The following MITF variants were observed in gnomAD, a reference collection of about 807,000 sequenced individuals.
MITF encodes melanocyte inducing transcription factor.
MITF carries 17 observed loss-of-function variants against 60.5 expected under a neutral mutation model. The ratio of observed to expected loss-of-function variants is 0.28; its 90% CI spans 0.19 to 0.42. MITF has a LOEUF of 0.42. Among genes scored for constraint, MITF ranks in the 10% least tolerant of loss-of-function variants. The probability of loss-of-function intolerance (pLI) is 1.00; values close to 1 mark genes in which losing one functional copy is unlikely to be tolerated. For missense variants in MITF, 622 were observed against 683.5 expected (o/e 0.91, Z 1.00); for synonymous variants, 260 against 248.5 (o/e 1.05, Z -0.43).
Position 69,937,945 on chromosome 3 carries a change from T to C in MITF, c.478T>C (p.Cys160Arg). 6.2e-7 allele frequency: 1 copy of C among 1,614,166 alleles called. No homozygotes were observed. The highest frequency in any genetic ancestry group is 8.5e-7 in the Non-Finnish European group (1 of 1,180,004). Residue 160 changes from cysteine (C) to arginine (R), a missense_variant, in exon 3 of 10, where the codon TGT (cysteine) becomes CGT (arginine). This residue lies in a region of MITF where 215 missense variants were observed against 224.8 expected (regional missense o/e 0.96). Coordinates refer to ENST00000352241, the MANE Select transcript of MITF (RefSeq NM_001354604.2). ...TGCCAACCAAGTCCTGAGCTTGCCA[T>C]GTCCAAACCAGCCTGGCGATCATGT... ...KHANQVLSLP[C>R]PNQPGDHVMP...
At chr3:69,766,576 T>C (rs563519946) in intron 1 of MITF, among the ~76,000 whole-genome samples, 7 of 151,940 alleles carry the variant, frequency 4.6e-5, no homozygotes, top group Non-Finnish European at 7.4e-5. Context: ...CTGGACCTTG[T>C]ATTAAAAAAA....
intron 1 of MITF, among the ~76,000 whole-genome samples, chr3:69,826,377 C>T (rs2063354976): frequency 6.6e-6 from 1 of 152,182 alleles, no homozygotes. Context: ...TTCCTCATTG[C>T]TGTAAGTAGT....
At chr3:69,750,866 T>C (rs1031238187) in intron 1 of MITF, among the ~76,000 whole-genome samples, 1 of 152,148 alleles carries the variant, frequency 6.6e-6, no homozygotes, top group Non-Finnish European at 1.5e-5. Flanking sequence ...ATAAATAATA[T>C]ATAAGCTTGG....
chr3:69,769,194 T>C (rs1344786753), intron 1 of MITF, among the ~76,000 whole-genome samples: 1 of 152,170 alleles, frequency 6.6e-6, no homozygotes, highest in African/African-American at 2.4e-5. Context: ...ATTTCTTATC[T>C]GTAAAATAAT....
intron 1 of MITF, among the ~76,000 whole-genome samples, chr3:69,744,909 A>C (rs1703665537): frequency 6.6e-6 from 1 of 152,214 alleles, no homozygotes. Flanking sequence ...ACACATATTT[A>C]TTGAGTCCTA....
In MITF at chr3:69,842,857, G is replaced by A. The variant is rs147580705; in HGVS notation, c.105-36277G>A. Among the ~76,000 whole-genome samples, 287 of 152,302 alleles carry A rather than the reference G, an allele frequency of 1.9e-3. 2 individuals are homozygous for A. Among genetic ancestry groups the A allele is most frequent in the African/African-American group, 6.7e-3 (277 of 41,568 alleles). On this transcript the variant is annotated intron_variant, in intron 1 of 9. Coordinates refer to ENST00000352241, the MANE Select transcript of MITF (RefSeq NM_001354604.2). ...CAGGGGTTCCACAGAGCACTGCTGT[G>A]TGGTGTAAACTTTATTTTGTTTGTT...
At chr3:69,937,065 GT>G (rs2065854578) in intron 2 of MITF, 1 of 260,600 alleles carries the variant, frequency 3.8e-6, no homozygotes, top group Non-Finnish European at 7.2e-6. Flanking sequence ...ATTGAATAAT[GT>G]TGTTTTTTGG....
At chr3:69,951,357 G>A (rs1178241290) in intron 6 of MITF, among the ~76,000 whole-genome samples, 1 of 151,948 alleles carries the variant, frequency 6.6e-6, no homozygotes, top group Non-Finnish European at 1.5e-5. Flanking sequence ...TGGAATTACA[G>A]GTGCAAGCAA....
rs113994954 is a variant in MITF at position 69,901,409 on chromosome 3, A to T, written c.354+22026A>T. Among the ~76,000 whole-genome samples the T allele has an allele frequency of 2.7e-3, 414 of 152,172 alleles. 3 individuals are homozygous for T. The highest frequency in any genetic ancestry group is 9.5e-3 in the African/African-American group (395 of 41,508). On this transcript the variant is annotated intron_variant, in intron 2 of 9. Transcript: ENST00000352241. Reference sequence around the variant, plus strand: ...TTTTGCCAAGATTTAGATAATTTTCATGGGTTTAAGCATAATCCTTTAAAC... The same window carrying T: ...TTTTGCCAAGATTTAGATAATTTTCTTGGGTTTAAGCATAATCCTTTAAAC...
intron 2 of MITF, among the ~76,000 whole-genome samples, chr3:69,910,409 G>A (rs1012992990): frequency 6.6e-6 from 1 of 152,186 alleles, no homozygotes; most frequent in African/African-American, 2.4e-5. Context: ...AGTCCCTAGT[G>A]GGACACTGCC....
At chr3:69,795,641 G>T (rs2062815185) in intron 1 of MITF, among the ~76,000 whole-genome samples, 1 of 152,132 alleles carries the variant, frequency 6.6e-6, no homozygotes, top group Non-Finnish European at 1.5e-5. Flanking sequence ...TGGGAGGATT[G>T]CTTGAGCCTG....
chr3:69,876,924 A>T (rs1305449715), intron 1 of MITF, among the ~76,000 whole-genome samples: 1 of 152,150 alleles, frequency 6.6e-6, no homozygotes, highest in Admixed American at 6.5e-5. Context: ...ACTTCTTTAT[A>T]GTTGAGGGGA....
At chr3:69,874,956 A>C (rs1357623297) in intron 1 of MITF, among the ~76,000 whole-genome samples, 2 of 152,206 alleles carry the variant, frequency 1.3e-5, no homozygotes, top group African/African-American at 4.8e-5. Flanking sequence ...TAAGAATGTA[A>C]ATTCTGCCAT....
At chr3:69,933,914 G>T (rs896545343) in intron 2 of MITF, among the ~76,000 whole-genome samples, 1 of 152,210 alleles carries the variant, frequency 6.6e-6, no homozygotes, top group African/African-American at 2.4e-5. Flanking sequence ...TAGGGTGGCT[G>T]AAGACAGAAA....
In MITF at chr3:69,769,924, C is replaced by T. The variant is rs138587066; in HGVS notation, c.104+30223C>T. On this transcript the variant is annotated intron_variant, in intron 1 of 9. Transcript: ENST00000352241. ...TTGTTCTAGATATTTCATGGGATAG[C>T]GAGACTAAAAAATATTCTTTATTCA... Among the ~76,000 whole-genome samples the T allele has an allele frequency of 2.1e-3, 312 of 152,180 alleles. 1 individual carries two copies. Among genetic ancestry groups the T allele is most frequent in the African/African-American group, 7.3e-3 (302 of 41,538 alleles).
Position 69,960,296 on chromosome 3 carries a change from T to C in MITF, c.1179+876T>C, listed in dbSNP as rs1164793901. ...AGTTATAAATAGTGGAATTATAGCA[T>C]ATATATCTTTAACTTAAACTATACA... On this transcript the variant is annotated intron_variant, in intron 9 of 9. Transcript: ENST00000352241. Among the ~76,000 whole-genome samples, 6 of 152,296 alleles carry C rather than the reference T, an allele frequency of 3.9e-5. No homozygotes were observed. In the East Asian group the frequency reaches 9.7e-4, roughly 25 times the overall value.
At chr3:69,884,556 C>T (rs990063920) in intron 2 of MITF, among the ~76,000 whole-genome samples, 2 of 152,126 alleles carry the variant, frequency 1.3e-5, no homozygotes, top group Admixed American at 6.5e-5. Context: ...CCAGCTTGCA[C>T]GGCACTGAGT....
In MITF at chr3:69,739,622, C is replaced by T; in HGVS notation, c.25C>T (p.Pro9Ser). The change falls in exon 1 of 10, where the codon CCG (proline) becomes TCG (serine). Residue 9 changes from proline to serine, a missense_variant. This residue lies in a region of MITF where 149 missense variants were observed against 157.8 expected (regional missense o/e 0.94). Transcript: ENST00000352241. ...CATGCAGTCCGAATCGGGGATCGTG[C>T]CGGATTTCGAAGTCGGGGAGGAGTT... MQSESGIV[P>S]DFEVGEEFHE... is the part of the protein sequence containing the mutation. 1 of 1,581,018 alleles carries T rather than the reference C, an allele frequency of 6.3e-7. No homozygotes were observed. The highest frequency in any genetic ancestry group is 8.6e-7 in the Non-Finnish European group (1 of 1,161,750).
chr3:69,860,627 C>T (rs2063999849), intron 1 of MITF, among the ~76,000 whole-genome samples: 2 of 148,956 alleles, frequency 1.3e-5, no homozygotes, highest in South Asian at 4.3e-4. Flanking sequence ...AAAAAATTCA[C>T]TTTAGACAGA....
Sources: allele counts gnomAD v4.1 joint callset (sites outside exome capture counted in the v4.1 genomes callset), GRCh38; gene constraint gnomAD v4.1.1; regional missense constraint gnomAD v4.1.1; transcripts MANE v1.5; gene names NCBI Gene and HGNC (gene_info 2026-07-23, HGNC 2026-07-21).